The following BNIP5 variants were observed in gnomAD, a reference collection of about 807,000 sequenced individuals.
BNIP5 encodes the protein protein BNIP5.
In BNIP5, 61 loss-of-function variants were observed where a neutral mutation model predicts 67.3. The ratio of observed to expected loss-of-function variants is 0.91; its 90% CI spans 0.74 to 1.12. The LOEUF (loss-of-function observed/expected upper bound fraction) is 1.12, where lower values mean the gene tolerates loss of function less well. BNIP5 is among the 50% of genes most tolerant of loss of function. The pLI is 0.00. For missense variants in BNIP5, 826 were observed against 816.3 expected, an observed-to-expected ratio of 1.01 and a Z score of -0.14; for synonymous variants, 317 against 319.0, an observed-to-expected ratio of 0.99 and a Z score of 0.07.
At chr6:36,329,902 A>C (rs1264500193) in intron 2 of BNIP5, among the ~76,000 whole-genome samples, 179 bp downstream of exon 2, 2 of 149,642 alleles carry the variant, frequency 1.3e-5, no homozygotes, top group South Asian at 2.1e-4. Flanking sequence ...GGAGGAGAGG[A>C]AGGAAGGAAG....
At position 36,316,425 on chromosome 6, in the gene BNIP5, C is replaced by G. The variant is rs1374239274; in HGVS notation, c.*931G>C. 2.5e-6 allele frequency: 1 copy of G among 398,000 alleles called. No individual in the cohort carries two copies. Among genetic ancestry groups the G allele is most frequent in the Non-Finnish European group, 4.4e-6 (1 of 226,068 alleles). 24.7% of individuals were successfully genotyped at this position (398,000 alleles called of 1,614,324 possible). A position where few individuals can be genotyped will look rare whatever the true frequency, so the allele number is the denominator to read the frequency against. ...CCTTTGTGCAAATACAAAAAATAGC[C>G]CTTTTCTCAAGACATGTTACTGCTA... On this transcript the variant is annotated 3_prime_UTR_variant, in exon 12 of 12. Coordinates refer to ENST00000437635, the MANE Select transcript of BNIP5 (RefSeq NM_001010903.5).
In BNIP5 at chr6:36,321,105, G is replaced by A. The variant is rs1359247451; in HGVS notation, c.1668+50C>T. The A allele has an allele frequency of 3.3e-6, 3 of 913,866 alleles. No individual in the cohort carries two copies. The South Asian group carries it at 4.6e-5, about 14-fold the overall frequency. 56.6% of individuals were successfully genotyped at this position (913,866 alleles called of 1,614,324 possible). On this transcript the variant is annotated intron_variant, in intron 10 of 11. Coordinates refer to ENST00000437635, the MANE Select transcript of BNIP5 (RefSeq NM_001010903.5). ...GCAGACTTGGGGATGGAACCCAGGT[G>A]GGTAGATGAGGCCCTGGGGTTGGCC... is the stretch of plus-strand genomic sequence containing the variant.
chr6:36,328,760 G>T (rs41270102), intron 2 of BNIP5, 46 bp from the exon 3 acceptor site: 2 of 1,110,266 alleles, frequency 1.8e-6, no homozygotes, highest in Non-Finnish European at 2.8e-6. Context: ...GTGTATGTGC[G>T]TGTGTCAGTG....
At chr6:36,334,353 G>A (rs943987629) in intron 1 of BNIP5, among the ~76,000 whole-genome samples, 1 of 152,204 alleles carries the variant, frequency 6.6e-6, no homozygotes, top group Non-Finnish European at 1.5e-5. Flanking sequence ...CCAGTGAAGA[G>A]ATTCCAGGGT....
Position 36,316,545 on chromosome 6 carries a change from C to T in BNIP5, c.*811G>A. The T allele has an allele frequency of 5.0e-6, 2 of 398,708 alleles. No homozygotes were observed. The highest frequency in any genetic ancestry group is 8.8e-6 in the Non-Finnish European group (2 of 226,120). The allele number at this position is 398,708 out of a possible 1,614,324, so 24.7% of individuals were successfully genotyped here. On this transcript the variant is annotated 3_prime_UTR_variant, in exon 12 of 12. Coordinates refer to ENST00000437635, the MANE Select transcript of BNIP5 (RefSeq NM_001010903.5). Reference sequence around the variant, plus strand: ...GTATGGTGCTCTTGAGCAGTGCACCCCTGTGCAACAATCCATGGCAGTCCA... The same window carrying T: ...GTATGGTGCTCTTGAGCAGTGCACCTCTGTGCAACAATCCATGGCAGTCCA...
Position 36,330,634 on chromosome 6 carries a change from C to CAGAG in BNIP5, c.53_56dup (p.Asp20SerfsTer36). ...CTTTCCCGGGGGCCTGCGGCCTGTCCAGAGACCTGGCTTTCTTCTCCGCCA... is the reference window on the plus strand; with the variant it reads ...CTTTCCCGGGGGCCTGCGGCCTGTCCAGAGAGAGACCTGGCTTTCTTCTCCGCCA... On this transcript the variant is annotated frameshift_variant, in exon 2 of 12. Transcript: ENST00000437635. LOFTEE classifies it high-confidence loss of function. The CAGAG allele has an allele frequency of 1.2e-6, 2 of 1,606,342 alleles. No homozygotes were observed. The highest frequency in any genetic ancestry group is 1.7e-6 in the Non-Finnish European group (2 of 1,179,440).
chr6:36,317,414 G>GGT, intron 11 of BNIP5, 23 bp from the exon 12 acceptor site: 1 of 1,607,236 alleles, frequency 6.2e-7, no homozygotes, highest in Non-Finnish European at 8.5e-7. Context: ...AAAGAACATA[G>GGT]GTGTTAGCCA....
intron 6 of BNIP5, 63 bp downstream of exon 6, chr6:36,325,220 A>G: frequency 6.4e-7 from 1 of 1,554,912 alleles, no homozygotes; most frequent in East Asian, 2.2e-5. Flanking sequence ...GTCTCTTTGC[A>G]AGTGGGGGAG....
chr6:36,330,909 G>A (rs1300786329), intron 1 of BNIP5, among the ~76,000 whole-genome samples: 1 of 152,078 alleles, frequency 6.6e-6, no homozygotes, highest in African/African-American at 2.4e-5. Context: ...AATAACAGGT[G>A]CCCGCCACCA....
intron 7 of BNIP5, 28 bp downstream of exon 7, chr6:36,324,101 A>G: frequency 1.9e-6 from 3 of 1,594,922 alleles, no homozygotes; most frequent in Non-Finnish European, 2.6e-6. Flanking sequence ...CAGTGAGGTC[A>G]GGGTTACATG....
intron 11 of BNIP5, among the ~76,000 whole-genome samples, chr6:36,318,098 G>T (rs548885012): frequency 3.9e-5 from 6 of 152,208 alleles, no homozygotes; most frequent in Non-Finnish European, 8.8e-5. Context: ...CAACTACCAT[G>T]AAATAAGCCA....
intron 11 of BNIP5, among the ~76,000 whole-genome samples, chr6:36,318,547 CAAA>C (rs77618541): frequency 3.1e-5 from 4 of 130,218 alleles, no homozygotes; most frequent in African/African-American, 2.9e-5. Context: ...ATCTCTATAC[CAAA>C]AAAAAAAAAA....
At chr6:36,324,607 A>G (rs183700121) in intron 6 of BNIP5, among the ~76,000 whole-genome samples, 11 of 25,926 alleles carry the variant, frequency 4.2e-4, no homozygotes, top group African/African-American at 1.3e-3. Context: ...ATATATATAT[A>G]TATATATATA....
chr6:36,325,406 C>A lies in BNIP5; in HGVS notation c.1045G>T (p.Glu349Ter), dbSNP rs561470826. 35 of 1,609,752 alleles carry A rather than the reference C, an allele frequency of 2.2e-5. No homozygotes were observed. The South Asian group carries it at 3.5e-4, about 16-fold the overall frequency. Residue 349 changes from glutamate to a stop codon, truncating the protein, a stop_gained, in exon 6 of 12, where the codon GAA (glutamate) becomes TAA (stop). Coordinates refer to ENST00000437635, the MANE Select transcript of BNIP5 (RefSeq NM_001010903.5). LOFTEE classifies it high-confidence loss of function. Reference sequence around the variant, plus strand: ...GATGGGGCCTCCTGGACTTTAGGTTCTTCCAAGCCTGAGAAGCAGAAGGAG... The same window carrying A: ...GATGGGGCCTCCTGGACTTTAGGTTATTCCAAGCCTGAGAAGCAGAAGGAG... ...PSISSSYGLE[E>*]PKVQEAPSTE...
chr6:36,321,365 C>A lies in BNIP5; in HGVS notation c.1604-146G>T, dbSNP rs1317008076. The stretch of plus-strand genomic sequence containing the variant: ...CAGCACACACGTTAGTTATGATGGA[C>A]CCAGACAATTCTTACCTTAAACTAG... On this transcript the variant is annotated intron_variant, in intron 9 of 11. Transcript: ENST00000437635. 3 of 659,956 alleles carry A rather than the reference C, an allele frequency of 4.5e-6. No individual in the cohort carries two copies. The East Asian group carries it at 8.3e-5, about 18-fold the overall frequency. 40.9% of individuals were successfully genotyped at this position (659,956 alleles called of 1,614,324 possible).
Position 36,322,317 on chromosome 6 carries a change from C to G in BNIP5, c.1597G>C (p.Glu533Gln). 1 of 1,614,154 alleles carries G rather than the reference C, an allele frequency of 6.2e-7. No individual in the cohort carries two copies. The highest frequency in any genetic ancestry group is 8.5e-7 in the Non-Finnish European group (1 of 1,179,988). The part of the protein sequence containing the change: ...EGAPQLSGAC[E>Q]SKEIIIQKLV... ...GAGCAGGGGTGTTACTGACTAGATTCACATGCTCCACTCAGCTGAGGTGCC... is the reference window on the plus strand; with the variant it reads ...GAGCAGGGGTGTTACTGACTAGATTGACATGCTCCACTCAGCTGAGGTGCC... Residue 533 changes from glutamate (E) to glutamine (Q), a missense_variant, in exon 9 of 12, where the codon GAA becomes CAA. Coordinates refer to ENST00000437635, the MANE Select transcript of BNIP5 (RefSeq NM_001010903.5).
Position 36,317,469 on chromosome 6 carries a change from C to T in BNIP5, c.1924-78G>A, listed in dbSNP as rs1771545790. On this transcript the variant is annotated intron_variant, in intron 11 of 11. Coordinates refer to ENST00000437635, the MANE Select transcript of BNIP5 (RefSeq NM_001010903.5). ...TTCATTCTGGAAACAACAGACTTCCCATTATCCCATTGACACCCCACCCCA... is the reference window on the plus strand; with the variant it reads ...TTCATTCTGGAAACAACAGACTTCCTATTATCCCATTGACACCCCACCCCA... 3.8e-6 allele frequency: 5 copies of T among 1,304,886 alleles called. No individual in the cohort carries two copies. The African/African-American group carries it at 4.4e-5, about 11-fold the overall frequency. 80.8% of individuals were successfully genotyped at this position (1,304,886 alleles called of 1,614,324 possible). A position where few individuals can be genotyped will look rare whatever the true frequency, so the allele number is the denominator to read the frequency against.
rs1771584463 is a variant in BNIP5, at chr6:36,319,385, T to A, written c.1894A>T (p.Thr632Ser). 1 of 1,614,026 alleles carries A rather than the reference T, an allele frequency of 6.2e-7. No homozygotes were observed. ...TGGTCCTCCCTGTATGGGAACTGGG[T>A]GCAATTGTAGTGGTCTCTTAGGCCC... ...LMGLRDHYNCTQFPYREDQPN... is the reference protein window; with the variant it reads ...LMGLRDHYNCSQFPYREDQPN... Residue 632 changes from threonine to serine, a missense_variant, in exon 11 of 12, where the codon ACC (threonine) becomes TCC (serine). Thr to Ser is a moderately conservative substitution (Grantham distance 58, BLOSUM62 1). Coordinates refer to ENST00000437635, the MANE Select transcript of BNIP5 (RefSeq NM_001010903.5).
rs148912094 is a variant in BNIP5 at position 36,324,078 on chromosome 6, G to A, written c.1230+51C>T. 53 of 1,395,642 alleles carry A rather than the reference G, an allele frequency of 3.8e-5. No individual in the cohort carries two copies. The African/African-American group carries it at 6.1e-4, about 16-fold the overall frequency. The allele number at this position is 1,395,642 out of a possible 1,614,324, so 86.5% of individuals were successfully genotyped here. On this transcript the variant is annotated intron_variant, in intron 7 of 11. Transcript: ENST00000437635. Reference sequence around the variant, plus strand: ...CAGGGAAGTTGTTACACCAGGCAGGGTTGGGGAGCCCACAGTGAGGTCAGG... The same window carrying A: ...CAGGGAAGTTGTTACACCAGGCAGGATTGGGGAGCCCACAGTGAGGTCAGG...
Sources: allele counts gnomAD v4.1 joint callset (sites outside exome capture counted in the v4.1 genomes callset), GRCh38; gene constraint gnomAD v4.1.1; transcripts MANE v1.5; gene names NCBI Gene and HGNC (gene_info 2026-07-23, HGNC 2026-07-21).